Variants in TTN observed in about 807,000 individuals in gnomAD.
TTN encodes titin.
A neutral mutation model predicts 3,223.0 loss-of-function variants in TTN; 1,525 were observed. That is an observed-to-expected ratio of 0.47 (90% CI 0.45 to 0.49). TTN has a LOEUF of 0.49. Among genes scored for constraint, TTN ranks in the 20% least tolerant of loss-of-function variants. The probability of loss-of-function intolerance (pLI) is 0.00; values close to 1 mark genes in which losing one functional copy is unlikely to be tolerated. For synonymous variants in TTN, 14,094 were observed against 15,161.0 expected (o/e 0.93, Z 5.17); for missense variants, 40,786 against 43,424.0 (o/e 0.94, Z 5.40).
intron 34 of TTN, 197 bp from the exon 35 acceptor site, chr2:178,770,872 G>T: frequency 2.4e-6 from 2 of 849,716 alleles, no homozygotes; most frequent in Admixed American, 1.7e-5. Context: ...TGTACATCGT[G>T]AAATGATTTT....
In TTN at chr2:178,730,349, C is replaced by T; in HGVS notation, c.18051G>A (p.Lys6017=). ...TGGGATTGACATCTTGTGACTGTGG[C>T]TTTTCCACAAAGTAAGGGGGTTCTG... is the stretch of plus-strand genomic sequence containing the variant. The part of the protein sequence containing the change: ...TVKEPPYFVE[K]PQSQDVNPNT... Residue 6017 remains lysine, a synonymous_variant, in exon 62 of 363, where the codon AAG becomes AAA. Transcript: ENST00000589042. The T allele has an allele frequency of 6.2e-7, 1 of 1,605,318 alleles. No individual in the cohort carries two copies. Among genetic ancestry groups the T allele is most frequent in the Non-Finnish European group, 8.5e-7 (1 of 1,175,174 alleles).
rs1703982809 is a variant in TTN, at chr2:178,562,343, TCTC to T, written c.83786_83788del (p.Gly27929del). On this transcript the variant is annotated inframe_deletion, in exon 326 of 363. Transcript: ENST00000589042. Reference sequence around the variant, plus strand: ...TGCAGCTACCCTGAAGACATACTCTTCTCCTGCAGTTAAGCCAGATATAGTTGC... The same window carrying T: ...TGCAGCTACCCTGAAGACATACTCTTCTGCAGTTAAGCCAGATATAGTTGC... 6.2e-7 allele frequency: 1 copy of T among 1,611,304 alleles called. No individual in the cohort carries two copies. Among genetic ancestry groups the T allele is most frequent in the Non-Finnish European group, 8.5e-7 (1 of 1,178,892 alleles).
chr2:178,650,269 A>G lies in TTN; in HGVS notation c.39712T>C (p.Tyr13238His), dbSNP rs2154248774. The G allele has an allele frequency of 6.4e-7, 1 of 1,569,412 alleles. No homozygotes were observed. Among genetic ancestry groups the G allele is most frequent in the African/African-American group, 1.4e-5 (1 of 73,610 alleles). Residue 13238 changes from tyrosine to histidine, a missense_variant and splice_region_variant, in exon 210 of 363, where the codon TAT (tyrosine) becomes CAT (histidine). Physicochemically the swap from Tyr to His is moderately conservative, Grantham distance 83 (BLOSUM62 2). Transcript: ENST00000589042. ...GGAGCAATTTCCTCAGGTTCTTCAT[A>G]TACTTTAAAGATATTAGTTAATTTT... ...ERAESPPPEV[Y>H]EEPEEIAPEE...
At chr2:178,742,029 G>A (rs2154319495) in intron 47 of TTN, 108 bp from the exon 48 acceptor site, 2 of 842,450 alleles carry the variant, frequency 2.4e-6, no homozygotes, top group Non-Finnish European at 3.2e-6. Flanking sequence ...CTTTATTCCT[G>A]GAATGATTAG....
intron 326 of TTN, chr2:178,558,901 G>A (rs1211655104): frequency 4.3e-6 from 2 of 462,874 alleles, no homozygotes; most frequent in Non-Finnish European, 7.6e-6. Flanking sequence ...ATTCACCATG[G>A]GGATAAAAAA....
In TTN at chr2:178,590,972, C is replaced by A. The variant is rs756340284; in HGVS notation, c.60753G>T (p.Lys20251Asn). Residue 20251 changes from lysine to asparagine, a missense_variant, in exon 304 of 363, where the codon AAG (lysine) becomes AAT (asparagine). Coordinates refer to ENST00000589042, the MANE Select transcript of TTN (RefSeq NM_001267550.2). ...AGTCAAGGGGAGGACCAACACCTAT[C>A]TTATTCTCTGCTCTAACTCGGAAAA... The part of the protein sequence containing the change: ...EYVFRVRAEN[K>N]IGVGPPLDST... The A allele has an allele frequency of 1.2e-6, 2 of 1,613,340 alleles. No individual in the cohort carries two copies. Among genetic ancestry groups the A allele is most frequent in the East Asian group, 4.5e-5 (2 of 44,822 alleles).
Position 178,735,749 on chromosome 2 carries a change from G to C in TTN, c.14697C>G (p.Ser4899=), listed in dbSNP as rs372740215. ...CAAGGTGGACCTTCTTATTGATAGC[G>C]GACTGCACAGGCTCTAATTCTTTAA... ...HFIKELEPVQ[S]AINKKVHLEC... The change falls in exon 50 of 363, where the codon TCC becomes TCG. Residue 4899 remains serine, a synonymous_variant. Coordinates refer to ENST00000589042, the MANE Select transcript of TTN (RefSeq NM_001267550.2). The C allele has an allele frequency of 6.2e-7, 1 of 1,613,544 alleles. No individual in the cohort carries two copies. The highest frequency in any genetic ancestry group is 8.5e-7 in the Non-Finnish European group (1 of 1,179,802).
In TTN at chr2:178,574,670, T is replaced by G; in HGVS notation, c.71462A>C (p.Asn23821Thr). 1 of 1,613,260 alleles carries G rather than the reference T, an allele frequency of 6.2e-7. No individual in the cohort carries two copies. Among genetic ancestry groups the G allele is most frequent in the Non-Finnish European group, 8.5e-7 (1 of 1,179,540 alleles). ...AGGTCCAGGAACCTTAAATGGATAG[T>G]TGGCAACTATGCATGCTGATGTGAT... ...PGITSACIVA[N>T]YPFKVPGPPG... The change falls in exon 326 of 363, where the codon AAC (asparagine) becomes ACC (threonine). Residue 23821 changes from asparagine (N) to threonine (T), a missense_variant. Physicochemically the swap from Asn to Thr is moderately conservative, Grantham distance 65. Transcript: ENST00000589042.
In TTN at chr2:178,799,645, T is replaced by C; in HGVS notation, c.756A>G (p.Lys252=). The change falls in exon 6 of 363, where the codon AAA becomes AAG. Residue 252 remains lysine (K), a synonymous_variant. Coordinates refer to ENST00000589042, the MANE Select transcript of TTN (RefSeq NM_001267550.2). The stretch of plus-strand genomic sequence containing the variant: ...GCTTCGGAGGAATCCTGGGAGGTGT[T>C]TTATGTGGCAGCTGTTGCCCAGCGG... ...DGAAGQQLPH[K]TPPRIPPKPK... 1 of 1,614,006 alleles carries C rather than the reference T, an allele frequency of 6.2e-7. No homozygotes were observed. Among genetic ancestry groups the C allele is most frequent in the Non-Finnish European group, 8.5e-7 (1 of 1,179,980 alleles).
rs774937703 is a variant in TTN, at chr2:178,792,094, T to C, written c.1640A>G (p.Gln547Arg). The C allele has an allele frequency of 2.0e-5, 33 of 1,612,698 alleles. No individual in the cohort carries two copies. The East Asian group carries it at 6.0e-4, about 30-fold the overall frequency. The change falls in exon 10 of 363, where the codon CAG becomes CGG. Residue 547 changes from glutamine (Q) to arginine (R), a missense_variant. Transcript: ENST00000589042. ...TACTGCTTCTTGAGTTACTTGTTTC[T>C]GTTTCTTAGTAATTTCTTCAGAAAT... ...TRISEEITKKQKQVTQEAIRQ... is the reference protein window; with the variant it reads ...TRISEEITKKRKQVTQEAIRQ...
chr2:178,768,712 C>T lies in TTN; in HGVS notation c.9124G>A (p.Ala3042Thr). 2 of 1,614,072 alleles carry T rather than the reference C, an allele frequency of 1.2e-6. No individual in the cohort carries two copies. The highest frequency in any genetic ancestry group is 1.7e-6 in the Non-Finnish European group (2 of 1,180,014). Residue 3042 changes from alanine (A) to threonine (T), a missense_variant, in exon 38 of 363, where the codon GCT (alanine) becomes ACT (threonine). Ala to Thr is a moderately conservative substitution (Grantham distance 58). Transcript: ENST00000589042. ...GTGGCTGTTGATGTTGCTTTTCCAG[C>T]CACAAAGGTGTAGTCAGCAGCATCC... is the stretch of plus-strand genomic sequence containing the variant. The part of the protein sequence containing the change: ...FGDAADYTFV[A>T]GKATSTATLY...
In TTN at chr2:178,602,266, GAGTA is replaced by G. The variant is rs777455708; in HGVS notation, c.55120+12_55120+15del. The G allele has an allele frequency of 6.2e-7, 1 of 1,609,944 alleles. No homozygotes were observed. Among genetic ancestry groups the G allele is most frequent in the Non-Finnish European group, 8.5e-7 (1 of 1,178,526 alleles). On this transcript the variant is annotated intron_variant, in intron 283 of 362. Transcript: ENST00000589042. ...AGATCAAAAGAGGAATACATAAACT[GAGTA>G]AGTACTAGTACCTTGAATATCAGTG...
intron 150 of TTN, among the ~76,000 whole-genome samples, chr2:178,674,644 G>A (rs1228209037): frequency 6.7e-6 from 1 of 150,292 alleles, no homozygotes; most frequent in Admixed American, 6.7e-5. Context: ...TTTTTTTAAT[G>A]AAAGACTTGT....
chr2:178,736,477 T>G (rs2081462171), intron 49 of TTN, among the ~76,000 whole-genome samples: 1 of 152,214 alleles, frequency 6.6e-6, no homozygotes, highest in African/African-American at 2.4e-5. Flanking sequence ...TATTAAGTGA[T>G]AAGAAGATTG....
chr2:178,719,028 A>G (rs1221937778), intron 83 of TTN, 55 bp from the exon 84 acceptor site: 21 of 1,525,368 alleles, frequency 1.4e-5, no homozygotes, highest in Non-Finnish European at 8.8e-7. Context: ...TCCAAGTGAG[A>G]AGTGCTTTTG....
In TTN at chr2:178,601,655, T is replaced by C. The variant is rs1439287309; in HGVS notation, c.55432+3A>G. On this transcript the variant is annotated splice_donor_region_variant and intron_variant, in intron 286 of 362. Transcript: ENST00000589042. ...CTGTAGCAACTTTCAAAGTCTTTCT[T>C]ACCCATGACTTTAACTCTGCAATTT... is the stretch of plus-strand genomic sequence containing the variant. The C allele has an allele frequency of 3.1e-6, 5 of 1,590,332 alleles. No homozygotes were observed. The highest frequency in any genetic ancestry group is 3.4e-6 in the Non-Finnish European group (4 of 1,172,704).
At chr2:178,701,247 T>C (rs1460204711) in intron 110 of TTN, 44 bp from the exon 111 acceptor site, 1 of 1,544,392 alleles carries the variant, frequency 6.5e-7, no homozygotes, top group Admixed American at 1.8e-5. Context: ...TAGTTTCTTA[T>C]TTTGCGTAAA....
Position 178,782,529 on chromosome 2 carries a change from A to C in TTN, c.3164+10T>G. On this transcript the variant is annotated intron_variant, in intron 19 of 362. Coordinates refer to ENST00000589042, the MANE Select transcript of TTN (RefSeq NM_001267550.2). ...TACTAGAACAGCTACTAATTAGCAA[A>C]ATATTTTACCGTTTCTCTTCTGTAG... The C allele has an allele frequency of 6.2e-7, 1 of 1,613,918 alleles. No individual in the cohort carries two copies. Among genetic ancestry groups the C allele is most frequent in the Non-Finnish European group, 8.5e-7 (1 of 1,179,918 alleles).
intron 15 of TTN, among the ~76,000 whole-genome samples, chr2:178,785,348 T>TG (rs1276787726): frequency 6.6e-6 from 1 of 152,194 alleles, no homozygotes; most frequent in East Asian, 1.9e-4. Context: ...GAGTTTGAGC[T>TG]GTCCCTGAAA....
Sources: allele counts gnomAD v4.1 joint callset (sites outside exome capture counted in the v4.1 genomes callset), GRCh38; gene constraint gnomAD v4.1.1; transcripts MANE v1.5; gene names NCBI Gene and HGNC (gene_info 2026-07-23, HGNC 2026-07-21).